The following EXOC4 variants were observed in gnomAD, a reference collection of about 807,000 sequenced individuals.
The protein encoded by EXOC4 is SEC8-like 1.
A neutral mutation model predicts 107.2 loss-of-function variants in EXOC4; 71 were observed. The observed-to-expected ratio is 0.66, with a 90% CI of 0.55 to 0.81. The LOEUF is 0.81. EXOC4 is among the 30% of genes least tolerant of loss of function. The pLI, the probability that EXOC4 is intolerant of heterozygous loss-of-function variation, is 0.00. For synonymous variants in EXOC4, 456 were observed against 441.2 expected (o/e 1.03, Z -0.42); for missense variants, 1,108 against 1,189.6 (o/e 0.93, Z 1.01).
intron 13 of EXOC4, among the ~76,000 whole-genome samples, chr7:133,925,315 G>A (rs1369341856): frequency 6.6e-6 from 1 of 152,110 alleles, no homozygotes; most frequent in African/African-American, 2.4e-5. Flanking sequence ...AATAGGTCAC[G>A]CAAGGGCTTT....
intron 10 of EXOC4, among the ~76,000 whole-genome samples, chr7:133,684,437 T>A (rs1290747902): frequency 2.0e-5 from 3 of 152,146 alleles, no homozygotes; most frequent in African/African-American, 7.2e-5. Context: ...TACTTTGACT[T>A]TTTAATAATT....
At chr7:133,631,865 C>T (rs866175856) in intron 10 of EXOC4, among the ~76,000 whole-genome samples, 6 of 152,086 alleles carry the variant, frequency 3.9e-5, no homozygotes, top group Middle Eastern at 6.8e-3. Flanking sequence ...TTGGAAAATA[C>T]CTTAATCATG....
chr7:133,408,100 G>A (rs1386649564), intron 7 of EXOC4, among the ~76,000 whole-genome samples: 4 of 151,926 alleles, frequency 2.6e-5, no homozygotes, highest in South Asian at 2.1e-4. Context: ...TGGTGGCGAC[G>A]GTAGCCATGG....
chr7:133,643,745 AAG>A (rs1232819335), intron 10 of EXOC4, among the ~76,000 whole-genome samples: 4 of 152,234 alleles, frequency 2.6e-5, no homozygotes, highest in South Asian at 4.1e-4. Context: ...ATGAAGGAAA[AAG>A]GAAATAAAAT....
chr7:133,324,521 T>A (rs567492054), intron 5 of EXOC4, among the ~76,000 whole-genome samples: 1 of 152,372 alleles, frequency 6.6e-6, no homozygotes, highest in East Asian at 1.9e-4. Flanking sequence ...TGTGTGATTT[T>A]GAGTGAGTTT....
At chr7:133,995,031 G>A (rs919266902) in intron 14 of EXOC4, among the ~76,000 whole-genome samples, 1 of 152,128 alleles carries the variant, frequency 6.6e-6, no homozygotes, top group African/African-American at 2.4e-5. Context: ...AATTTTTCAT[G>A]TTGCTTTAAT....
intron 7 of EXOC4, among the ~76,000 whole-genome samples, chr7:133,378,534 A>T (rs1796543592): frequency 6.6e-6 from 1 of 152,116 alleles, no homozygotes; most frequent in Non-Finnish European, 1.5e-5. Context: ...TATATTTTGG[A>T]AGGCAATATA....
At chr7:133,761,967 A>T (rs1303067916) in intron 10 of EXOC4, among the ~76,000 whole-genome samples, 2 of 152,162 alleles carry the variant, frequency 1.3e-5, no homozygotes, top group East Asian at 3.9e-4. Context: ...GTGGAGAGTC[A>T]TGTGGATGCT....
At chr7:133,508,080 G>T (rs1195882000) in intron 9 of EXOC4, among the ~76,000 whole-genome samples, 2 of 151,414 alleles carry the variant, frequency 1.3e-5, no homozygotes, top group Non-Finnish European at 2.9e-5. Flanking sequence ...GAAAAGAAAA[G>T]AAAAGAAAAA....
intron 9 of EXOC4, among the ~76,000 whole-genome samples, chr7:133,560,358 C>T (rs373967157): frequency 6.6e-6 from 1 of 152,120 alleles, no homozygotes; most frequent in African/African-American, 2.4e-5. Context: ...AACCTTGGCT[C>T]ACTGCAACCT....
At chr7:133,830,622 CTG>C (rs1448746810) in intron 11 of EXOC4, among the ~76,000 whole-genome samples, 1 of 152,138 alleles carries the variant, frequency 6.6e-6, no homozygotes, top group African/African-American at 2.4e-5. Flanking sequence ...AAAAAATAAA[CTG>C]TTTATTTCAG....
chr7:133,420,475 G>C (rs894473180), intron 7 of EXOC4, among the ~76,000 whole-genome samples: 35 of 152,152 alleles, frequency 2.3e-4, no homozygotes, highest in African/African-American at 6.3e-4. Flanking sequence ...CAGTGGGGTT[G>C]GTGGGAGGGG....
intron 9 of EXOC4, among the ~76,000 whole-genome samples, chr7:133,592,988 C>T (rs551270989): frequency 2.0e-5 from 3 of 152,326 alleles, no homozygotes; most frequent in African/African-American, 7.2e-5. Context: ...CTCAAGTTAT[C>T]TGCCCACCTT....
chr7:133,952,391 T>C (rs1303384415), intron 14 of EXOC4, among the ~76,000 whole-genome samples: 1 of 152,190 alleles, frequency 6.6e-6, no homozygotes, highest in Non-Finnish European at 1.5e-5. Context: ...TCTGGTTAGC[T>C]GCTTACCCCT....
intron 10 of EXOC4, among the ~76,000 whole-genome samples, chr7:133,657,708 G>A (rs17659136): frequency 1.3e-5 from 2 of 152,132 alleles, no homozygotes; most frequent in African/African-American, 4.8e-5. Flanking sequence ...TCTTGTAATG[G>A]TATGCATGGT....
At chr7:134,008,413 T>C (rs1400467741) in intron 17 of EXOC4, among the ~76,000 whole-genome samples, 2 of 152,230 alleles carry the variant, frequency 1.3e-5, no homozygotes, top group African/African-American at 4.8e-5. Context: ...TGAATAAATA[T>C]TTCATGGTAT....
intron 14 of EXOC4, among the ~76,000 whole-genome samples, chr7:133,948,533 C>T (rs569632935): frequency 2.0e-5 from 3 of 152,148 alleles, no homozygotes; most frequent in African/African-American, 7.2e-5. Context: ...ATCAATAGTG[C>T]ATAAAGACTT....
chr7:133,704,810 C>T (rs180680104), intron 10 of EXOC4, among the ~76,000 whole-genome samples: 99 of 152,242 alleles, frequency 6.5e-4, no homozygotes, highest in African/African-American at 2.3e-3. Flanking sequence ...CATGTGAGGT[C>T]ATGTGTGGAA....
chr7:133,871,288 C>T (rs1798746357), intron 11 of EXOC4, among the ~76,000 whole-genome samples: 2 of 100,518 alleles, frequency 2.0e-5, no homozygotes, highest in African/African-American at 7.8e-5. Context: ...TTGAAACCAG[C>T]CACACAACCA....
Sources: allele counts gnomAD v4.1 joint callset (sites outside exome capture counted in the v4.1 genomes callset), GRCh38; gene constraint gnomAD v4.1.1; transcripts MANE v1.5; gene names NCBI Gene and HGNC (gene_info 2026-07-23, HGNC 2026-07-21).